Variants in EYS observed in about 807,000 individuals in gnomAD.
EYS encodes EGF-like photoreceptor maintenance factor.
Under a neutral mutation model 282.1 loss-of-function variants are expected in EYS, and 250 were observed. That is an observed-to-expected ratio of 0.89 (90% CI 0.80 to 0.98). The LOEUF (loss-of-function observed/expected upper bound fraction) is 0.98, where lower values mean the gene tolerates loss of function less well. EYS is among the 50% of genes least tolerant of loss of function. The pLI is 0.00. For synonymous variants in EYS, 1,355 were observed against 1,282.9 expected (o/e 1.06, Z -1.20); for missense variants, 4,016 against 3,709.0 (o/e 1.08, Z -2.15).
At chr6:64,563,648 C>T (rs1765473640) in intron 26 of EYS, among the ~76,000 whole-genome samples, 1 of 152,026 alleles carries the variant, frequency 6.6e-6, no homozygotes, top group Non-Finnish European at 1.5e-5. Context: ...GAAATATCGA[C>T]TATACACTTT....
intron 12 of EYS, among the ~76,000 whole-genome samples, chr6:65,135,560 A>T (rs574468887): frequency 1.3e-5 from 2 of 152,164 alleles, no homozygotes; most frequent in African/African-American, 4.8e-5. Flanking sequence ...AATATAGATT[A>T]AAAAATTATT....
At chr6:65,528,379 A>G (rs1052875149) in intron 2 of EYS, among the ~76,000 whole-genome samples, 1 of 152,188 alleles carries the variant, frequency 6.6e-6, no homozygotes, top group African/African-American at 2.4e-5. Context: ...CCTGGTTACA[A>G]TGAGGATCTA....
chr6:64,821,458 G>C, intron 21 of EYS, among the ~76,000 whole-genome samples, 187 bp downstream of exon 21: 1 of 151,664 alleles, frequency 6.6e-6, no homozygotes, highest in East Asian at 2.0e-4. Context: ...GAAAAGGTGG[G>C]GGAAAAAAAG....
At chr6:65,239,085 GCCC>G (rs1267247870) in intron 12 of EYS, among the ~76,000 whole-genome samples, 1 of 151,842 alleles carries the variant, frequency 6.6e-6, no homozygotes, top group African/African-American at 2.4e-5. Context: ...CCATTTTATT[GCCC>G]TTAATCTCCA....
intron 9 of EYS, among the ~76,000 whole-genome samples, chr6:65,352,004 A>C (rs1301797605): frequency 1.3e-5 from 2 of 151,838 alleles, no homozygotes; most frequent in Non-Finnish European, 3.0e-5. Context: ...TTTATAAAAT[A>C]GTAAGTATTC....
Position 65,447,306 on chromosome 6 carries a change from C to G in EYS, c.863-41939G>C, listed in dbSNP as rs79757086. Among the ~76,000 whole-genome samples, 274 of 139,652 alleles carry G rather than the reference C, an allele frequency of 2.0e-3. 1 individual carries two copies. Among genetic ancestry groups the G allele is most frequent in the East Asian group, 0.014 (70 of 4,856 alleles). The allele number at this position is 139,652 out of a possible 152,430, so 91.6% of individuals were successfully genotyped here. On this transcript the variant is annotated intron_variant, in intron 5 of 42. Coordinates refer to ENST00000503581, the MANE Select transcript of EYS (RefSeq NM_001142800.2). ...AACCTGACTCTCTTTCTTTCTCTCT[C>G]TGTGTGTGTGTATATATATGTGTGT...
intron 8 of EYS, among the ~76,000 whole-genome samples, chr6:65,363,993 G>A (rs897381814): frequency 6.7e-6 from 1 of 150,078 alleles, no homozygotes; most frequent in Non-Finnish European, 1.5e-5. Flanking sequence ...CTTAATTATT[G>A]GGGCTTTATA....
At chr6:65,463,524 T>C (rs953522747) in intron 5 of EYS, among the ~76,000 whole-genome samples, 2 of 152,178 alleles carry the variant, frequency 1.3e-5, no homozygotes, top group African/African-American at 4.8e-5. Flanking sequence ...ATACAGTGCT[T>C]GACATATAGA....
At chr6:65,586,044 C>A (rs994852551) in intron 2 of EYS, among the ~76,000 whole-genome samples, 2 of 151,868 alleles carry the variant, frequency 1.3e-5, no homozygotes, top group African/African-American at 2.4e-5. Context: ...TGTGGCCACT[C>A]ACTTATTTGG....
chr6:65,142,763 T>C lies in EYS; in HGVS notation c.2024-85036A>G, dbSNP rs1040389889. On this transcript the variant is annotated intron_variant, in intron 12 of 42. Transcript: ENST00000503581. ...AGACATACTGAATATTTCAGAATGTTGCCAAGCTTTATGGTATTTTTCCTG... is the reference window on the plus strand; with the variant it reads ...AGACATACTGAATATTTCAGAATGTCGCCAAGCTTTATGGTATTTTTCCTG... Among the ~76,000 whole-genome samples the C allele has an allele frequency of 2.0e-5, 3 of 151,986 alleles. No individual in the cohort carries two copies. In the South Asian group the frequency reaches 6.2e-4, roughly 31 times the overall value.
At chr6:64,507,722 G>A (rs1422379538) in intron 26 of EYS, among the ~76,000 whole-genome samples, 1 of 150,198 alleles carries the variant, frequency 6.7e-6, no homozygotes, top group East Asian at 2.0e-4. Flanking sequence ...GAGGGAGGAA[G>A]AGATCCCACT....
intron 31 of EYS, among the ~76,000 whole-genome samples, chr6:64,103,659 C>G (rs1681621812): frequency 1.3e-5 from 2 of 152,158 alleles, no homozygotes; most frequent in African/African-American, 4.8e-5. Flanking sequence ...GAGTTTCATT[C>G]TGCAGTCAGG....
intron 34 of EYS, among the ~76,000 whole-genome samples, chr6:63,993,540 C>CT (rs1245203813): frequency 6.6e-6 from 1 of 151,486 alleles, no homozygotes; most frequent in African/African-American, 2.4e-5. Flanking sequence ...CATTAACTAT[C>CT]ACAAATAAGA....
At chr6:64,743,808 TCTTAA>T (rs1050526006) in intron 22 of EYS, among the ~76,000 whole-genome samples, 10 of 152,104 alleles carry the variant, frequency 6.6e-5, no homozygotes, top group Admixed American at 3.9e-4. Flanking sequence ...TAATTGATAA[TCTTAA>T]CTTAAAAGGA....
chr6:64,847,877 T>C (rs1765763728), intron 19 of EYS, among the ~76,000 whole-genome samples: 2 of 152,074 alleles, frequency 1.3e-5, no homozygotes, highest in South Asian at 4.1e-4. Flanking sequence ...TAATTACATC[T>C]ATCAATGCTG....
At chr6:64,768,945 G>T (rs1007927789) in intron 22 of EYS, among the ~76,000 whole-genome samples, 9 of 152,096 alleles carry the variant, frequency 5.9e-5, no homozygotes, top group Non-Finnish European at 1.0e-4. Context: ...GGCAGGAAAA[G>T]TGTTGGCAAT....
At chr6:65,550,058 T>C (rs1299465511) in intron 2 of EYS, among the ~76,000 whole-genome samples, 3 of 151,322 alleles carry the variant, frequency 2.0e-5, no homozygotes, top group Non-Finnish European at 4.4e-5. Context: ...TCCACTCCCA[T>C]CCATTATTTT....
intron 22 of EYS, among the ~76,000 whole-genome samples, chr6:64,768,106 T>C (rs1021068435): frequency 8.5e-5 from 13 of 152,124 alleles, no homozygotes; most frequent in Non-Finnish European, 1.9e-4. Flanking sequence ...GAAATAAAAT[T>C]TAAATTAACC....
chr6:65,414,797 G>A (rs954121902), intron 5 of EYS, among the ~76,000 whole-genome samples: 1 of 152,060 alleles, frequency 6.6e-6, no homozygotes, highest in African/African-American at 2.4e-5. Flanking sequence ...AGATTTGCCT[G>A]TATGAGGATA....
Sources: allele counts gnomAD v4.1 joint callset (sites outside exome capture counted in the v4.1 genomes callset), GRCh38; gene constraint gnomAD v4.1.1; transcripts MANE v1.5; gene names NCBI Gene and HGNC (gene_info 2026-07-23, HGNC 2026-07-21).